LONRF3: variants seen among roughly 807,000 people sequenced by gnomAD.
The protein encoded by LONRF3 is LON peptidase N-terminal domain and ring finger 3.
In LONRF3, 19 loss-of-function variants were observed where a neutral mutation model predicts 51.7. That is an observed-to-expected ratio of 0.37 (90% confidence interval 0.26 to 0.54). The LOEUF (loss-of-function observed/expected upper bound fraction) is 0.54, where lower values mean the gene tolerates loss of function less well. Ranked by LOEUF, LONRF3 falls within the 20% of genes least tolerant of loss-of-function variation. The pLI, the probability that LONRF3 is intolerant of heterozygous loss-of-function variation, is 0.86. For synonymous variants in LONRF3, 265 were observed against 257.8 expected, an observed-to-expected ratio of 1.03 and a Z score of -0.27; for missense variants, 521 against 623.9, an observed-to-expected ratio of 0.84 and a Z score of 1.76.
At chrX:118,987,387 C>G (rs1260061925) in intron 3 of LONRF3, among the ~76,000 whole-genome samples, 1 of 108,575 alleles carries the variant, frequency 9.2e-6, no homozygotes, top group Non-Finnish European at 1.9e-5. Flanking sequence ...AAGAGATCCT[C>G]CCACCTCAGC....
chrX:119,009,872 C>A (rs760019830), intron 7 of LONRF3, among the ~76,000 whole-genome samples: 15 of 111,046 alleles, frequency 1.4e-4, no homozygotes, highest in Non-Finnish European at 2.5e-4. Flanking sequence ...CGGGTTCAAG[C>A]GATTCTCCTG....
chrX:118,993,562 A>G lies in LONRF3; in HGVS notation c.1415+3002A>G, dbSNP rs7882263. Among the ~76,000 whole-genome samples, 368 of 111,976 alleles carry G rather than the reference A, an allele frequency of 3.3e-3. 1 individual carries two copies. The highest frequency in any genetic ancestry group is 0.011 in the African/African-American group (343 of 30,862). On this transcript the variant is annotated intron_variant, in intron 5 of 10. Coordinates refer to ENST00000371628, the MANE Select transcript of LONRF3 (RefSeq NM_001031855.3). The stretch of plus-strand genomic sequence containing the variant: ...CACCAAACCTAATAATAATCGGTGT[A>G]CCTGTGGAAGAAGAAAATTCTAAAA...
At chrX:118,976,165 C>T (rs1922030545) in intron 1 of LONRF3, among the ~76,000 whole-genome samples, 1 of 113,169 alleles carries the variant, frequency 8.8e-6, no homozygotes, top group African/African-American at 3.2e-5. Context: ...CCTTCCGGGG[C>T]CGCGGCTCCC....
chrX:118,990,416 T>C, intron 4 of LONRF3, 54 bp from the exon 5 acceptor site: 1 of 946,595 alleles, frequency 1.1e-6, no homozygotes, highest in Non-Finnish European at 1.5e-6. Context: ...TCAGAAGTAC[T>C]ATCTATGAAA....
At position 119,011,871 on chromosome X, in the gene LONRF3, G is replaced by T. The variant is rs1269217581; in HGVS notation, c.1709G>T (p.Cys570Phe). The T allele has an allele frequency of 8.3e-7, 1 of 1,211,427 alleles. No individual in the cohort carries two copies. Among genetic ancestry groups the T allele is most frequent in the Non-Finnish European group, 1.1e-6 (1 of 895,191 alleles). ...VCTMAYPTVP[C>F]PLHIFEPCYR... ...ACTATGGCCTATCCCACCGTTCCTT[G>T]TCCCCTGCACATCTTTGAGCCTTGT... is the stretch of plus-strand genomic sequence containing the variant. Residue 570 changes from cysteine to phenylalanine, a missense_variant, in exon 8 of 11, where the codon TGT (cysteine) becomes TTT (phenylalanine). Around this residue, in one of 2 missense-constraint regions of LONRF3, gnomAD observed 145 missense variants for 247.2 expected, o/e 0.59. Transcript: ENST00000371628.
chrX:118,985,480 A>G, intron 3 of LONRF3, among the ~76,000 whole-genome samples: 1 of 111,896 alleles, frequency 8.9e-6, no homozygotes, highest in Non-Finnish European at 1.9e-5. Context: ...CTGAAAGGAA[A>G]CATAAGGATC....
Position 118,989,667 on chromosome X carries a change from A to C in LONRF3, c.1319A>C (p.Lys440Thr), listed in dbSNP as rs2147278712. Residue 440 changes from lysine (K) to threonine (T), a missense_variant, in exon 4 of 11, where the codon AAG (lysine) becomes ACG (threonine). Coordinates refer to ENST00000371628, the MANE Select transcript of LONRF3 (RefSeq NM_001031855.3). ...ACGGGGATGCCTAATAAAGCCTCCA[A>C]GCAAGGTACTGGCTCTACCCAGAGA... ...EETGMPNKAS[K>T]QDPPTDQGDK... is the part of the protein sequence containing the mutation. The C allele has an allele frequency of 1.7e-6, 2 of 1,208,708 alleles. No homozygotes were observed. Among genetic ancestry groups the C allele is most frequent in the East Asian group, 3.0e-5 (1 of 33,819 alleles).
At chrX:119,010,470 A>C (rs1925023453) in intron 7 of LONRF3, among the ~76,000 whole-genome samples, 1 of 111,339 alleles carries the variant, frequency 9.0e-6, no homozygotes, top group Non-Finnish European at 1.9e-5. Context: ...TGCTTTTCTC[A>C]GAAACTAGAA....
At position 118,974,923 on chromosome X, in the gene LONRF3, C is replaced by A; in HGVS notation, c.143C>A (p.Pro48His). ...AAGGTGGCTGCAGAGGGCCCCGCACCTCTACCGACGCGGGAGCCAGAGCAA... is the reference window on the plus strand; with the variant it reads ...AAGGTGGCTGCAGAGGGCCCCGCACATCTACCGACGCGGGAGCCAGAGCAA... ...HPKVAAEGPA[P>H]LPTREPEQEQ... Residue 48 changes from proline to histidine, a missense_variant, in exon 1 of 11, where the codon CCT (proline) becomes CAT (histidine). Pro to His is a moderately conservative substitution (Grantham distance 77, BLOSUM62 -2). Transcript: ENST00000371628. 8.4e-7 allele frequency: 1 copy of A among 1,186,963 alleles called. No individual in the cohort carries two copies.
chrX:119,014,230 G>A lies in LONRF3; in HGVS notation c.1998G>A (p.Glu666=). 3 of 1,209,646 alleles carry A rather than the reference G, an allele frequency of 2.5e-6. No homozygotes were observed. The highest frequency in any genetic ancestry group is 3.4e-6 in the Non-Finnish European group (3 of 894,222). ...DQKVQGEDCA[E]LMGLHNCVYQ... is the part of the protein sequence containing the mutation. ...AGGTTCAGGGAGAGGATTGTGCTGA[G>A]CTCATGGGATTACATAACTGTGTCT... The change falls in exon 10 of 11, where the codon GAG becomes GAA. Residue 666 remains glutamate (E), a synonymous_variant. Transcript: ENST00000371628.
At chrX:118,993,058 C>T (rs1296403017) in intron 5 of LONRF3, among the ~76,000 whole-genome samples, 2 of 111,284 alleles carry the variant, frequency 1.8e-5, no homozygotes, top group East Asian at 5.6e-4. Flanking sequence ...ACAGAGCCTA[C>T]CCAAATGAGA....
intron 6 of LONRF3, among the ~76,000 whole-genome samples, chrX:119,008,037 AACTGGG>A (rs1191279876): frequency 8.9e-6 from 1 of 111,760 alleles, no homozygotes; most frequent in Non-Finnish European, 1.9e-5. Flanking sequence ...TATCCCCCAC[AACTGGG>A]ACTGGGAAAT....
chrX:118,986,338 C>T (rs1429093337), intron 3 of LONRF3, among the ~76,000 whole-genome samples: 2 of 111,697 alleles, frequency 1.8e-5, no homozygotes, highest in African/African-American at 6.5e-5. Context: ...TCTGTTTTTC[C>T]TAACAGTTAA....
intron 5 of LONRF3, among the ~76,000 whole-genome samples, chrX:119,001,707 A>G (rs1603253608): frequency 8.9e-6 from 1 of 112,158 alleles, no homozygotes; most frequent in East Asian, 2.8e-4. Context: ...GTTTGCTACC[A>G]CTCAGTCAGG....
At chrX:118,988,785 C>T (rs2147277414) in intron 3 of LONRF3, among the ~76,000 whole-genome samples, 1 of 104,288 alleles carries the variant, frequency 9.6e-6, no homozygotes, top group South Asian at 4.4e-4. Flanking sequence ...ATTTTTTTTG[C>T]CAGGTGATTT....
chrX:119,005,610 G>A (rs1009967250), intron 5 of LONRF3, among the ~76,000 whole-genome samples: 2 of 111,893 alleles, frequency 1.8e-5, no homozygotes, highest in South Asian at 7.4e-4. Context: ...TATCCTTCAG[G>A]CATTAACATT....
chrX:119,009,772 A>T (rs1442143001), intron 7 of LONRF3, among the ~76,000 whole-genome samples: 1 of 111,004 alleles, frequency 9.0e-6, no homozygotes, highest in Non-Finnish European at 1.9e-5. Flanking sequence ...TTCTTACCTC[A>T]TGGACTTCTT....
chrX:118,975,682 A>T, intron 1 of LONRF3, 85 bp downstream of exon 1: 2 of 499,696 alleles, frequency 4.0e-6, no homozygotes, highest in African/African-American at 3.5e-5. Flanking sequence ...GCGAGAAGGG[A>T]TTTGGACCAG....
intron 10 of LONRF3, among the ~76,000 whole-genome samples, chrX:119,016,574 C>T (rs1170918098): frequency 1.8e-5 from 2 of 111,227 alleles, no homozygotes; most frequent in African/African-American, 3.3e-5. Flanking sequence ...GTCTCGATCT[C>T]CTGACCTCGT....
Sources: gnomAD v4.1 joint callset for allele counts (sites outside exome capture counted in the v4.1 genomes callset) on GRCh38, gnomAD v4.1.1 for gene constraint, gnomAD v4.1.1 regional missense constraint, MANE v1.5 for transcripts, NCBI Gene and HGNC (gene_info 2026-07-23, HGNC 2026-07-21) for gene names.